Variants in MAGI2 observed in about 807,000 individuals in gnomAD.
MAGI2 encodes membrane associated guanylate kinase, WW and PDZ domain containing 2, also known as membrane-associated guanylate kinase, WW and PDZ domain-containing protein 2.
MAGI2 carries 35 observed loss-of-function variants against 133.3 expected under a neutral mutation model. The ratio of observed to expected loss-of-function variants is 0.26; its 90% CI spans 0.20 to 0.35. The LOEUF (loss-of-function observed/expected upper bound fraction) is 0.35. MAGI2 is among the 10% of genes least tolerant of loss of function. The pLI is 1.00. For missense variants in MAGI2, 1,636 were observed against 1,863.4 expected (o/e 0.88, Z 2.25); for synonymous variants, 729 against 710.6 (o/e 1.03, Z -0.41).
In MAGI2 at chr7:78,102,892, C is replaced by T. The variant is rs565093590; in HGVS notation, c.3567+22802G>A. ...CGCAGCGTTCTGCTGATTTTACTTC[C>T]GTCTTATTTTCCTGCTTCCATACCT... On this transcript the variant is annotated intron_variant, in intron 20 of 21. Transcript: ENST00000354212. Among the ~76,000 whole-genome samples the T allele has an allele frequency of 4.5e-4, 68 of 152,232 alleles. 1 individual carries two copies. The highest frequency in any genetic ancestry group is 2.7e-3 in the East Asian group (14 of 5,188).
intron 6 of MAGI2, among the ~76,000 whole-genome samples, chr7:78,483,347 CTT>C (rs1792626759): frequency 6.6e-6 from 1 of 151,810 alleles, no homozygotes; most frequent in Admixed American, 6.6e-5. Context: ...ATGCAAGTAA[CTT>C]GAGCAACTAA....
At chr7:78,728,525 C>A in intron 2 of MAGI2, among the ~76,000 whole-genome samples, 1 of 135,456 alleles carries the variant, frequency 7.4e-6, no homozygotes, top group African/African-American at 2.8e-5. Flanking sequence ...ATTGGTATGT[C>A]CATCTTTCTC....
At chr7:78,614,490 T>A (rs1189721216) in intron 3 of MAGI2, 1 of 152,168 alleles carries the variant, frequency 6.6e-6, no homozygotes, top group East Asian at 1.9e-4. Flanking sequence ...CATACAAGAT[T>A]TCTGACTTCA....
intron 1 of MAGI2, among the ~76,000 whole-genome samples, chr7:79,065,389 A>G (rs1418429573): frequency 6.6e-6 from 1 of 152,144 alleles, no homozygotes; most frequent in Admixed American, 6.6e-5. Context: ...CTAATGCTTA[A>G]CATGGTAGCT....
intron 1 of MAGI2, among the ~76,000 whole-genome samples, chr7:79,147,125 C>T (rs1035008849): frequency 8.5e-5 from 13 of 152,174 alleles, no homozygotes; most frequent in African/African-American, 1.9e-4. Context: ...AAACTAGAAT[C>T]GCAGTGTCAA....
At chr7:79,020,681 G>A (rs187591004) in intron 1 of MAGI2, among the ~76,000 whole-genome samples, 270 of 151,874 alleles carry the variant, frequency 1.8e-3, no homozygotes, top group South Asian at 5.4e-3. Context: ...CAGGAGAATG[G>A]CATGAACCCA....
chr7:79,305,077 A>T (rs1837678289), intron 1 of MAGI2, among the ~76,000 whole-genome samples: 1 of 152,224 alleles, frequency 6.6e-6, no homozygotes, highest in Non-Finnish European at 1.5e-5. Flanking sequence ...GTCAACAGAA[A>T]AAATGCAGAG....
chr7:79,229,239 C>T (rs1324442131), intron 1 of MAGI2, among the ~76,000 whole-genome samples: 5 of 151,894 alleles, frequency 3.3e-5, no homozygotes, highest in African/African-American at 4.8e-5. Flanking sequence ...TTGCTTCTGA[C>T]GTGATATCTC....
At chr7:78,372,124 G>C (rs1793980745) in intron 6 of MAGI2, among the ~76,000 whole-genome samples, 1 of 152,064 alleles carries the variant, frequency 6.6e-6, no homozygotes, top group African/African-American at 2.4e-5. Flanking sequence ...GTGTGTTTGT[G>C]TGTATTCTTT....
intron 1 of MAGI2, among the ~76,000 whole-genome samples, chr7:79,186,271 A>T: frequency 1.5e-5 from 2 of 134,386 alleles, no homozygotes; most frequent in South Asian, 2.3e-4. Flanking sequence ...TAAACTACAT[A>T]CATTTAAACT....
chr7:78,153,466 T>A (rs770678373), intron 16 of MAGI2, among the ~76,000 whole-genome samples: 1 of 152,170 alleles, frequency 6.6e-6, no homozygotes, highest in Non-Finnish European at 1.5e-5. Flanking sequence ...ACAAATGCCA[T>A]CAATTTACAA....
intron 2 of MAGI2, among the ~76,000 whole-genome samples, chr7:78,838,742 C>T (rs1214032578): frequency 4.0e-5 from 6 of 151,894 alleles, no homozygotes; most frequent in Non-Finnish European, 7.4e-5. Flanking sequence ...AAAATAATAA[C>T]AGAAAGACAT....
intron 2 of MAGI2, among the ~76,000 whole-genome samples, chr7:78,750,322 A>T (rs1055633788): frequency 2.0e-5 from 3 of 152,094 alleles, no homozygotes; most frequent in Admixed American, 6.6e-5. Context: ...TGCTATTGTG[A>T]ACAGTGCTGC....
intron 2 of MAGI2, among the ~76,000 whole-genome samples, chr7:78,764,740 T>A (rs1824841602): frequency 6.6e-6 from 1 of 152,218 alleles, no homozygotes; most frequent in Non-Finnish European, 1.5e-5. Context: ...TTGTTTTTTA[T>A]AAGTCTTAGC....
intron 6 of MAGI2, among the ~76,000 whole-genome samples, chr7:78,481,826 A>G (rs1321275170): frequency 6.6e-6 from 1 of 151,888 alleles, no homozygotes; most frequent in Non-Finnish European, 1.5e-5. Flanking sequence ...AAAAACATGA[A>G]AAAAAATTGG....
intron 1 of MAGI2, among the ~76,000 whole-genome samples, chr7:79,443,464 T>C (rs550299377): frequency 3.3e-5 from 5 of 152,230 alleles, no homozygotes; most frequent in African/African-American, 1.2e-4. Flanking sequence ...ATTGGACAAT[T>C]CATATCTCTG....
intron 1 of MAGI2, among the ~76,000 whole-genome samples, chr7:79,441,896 C>A (rs1197479225): frequency 6.6e-6 from 1 of 152,060 alleles, no homozygotes; most frequent in Admixed American, 6.6e-5. Flanking sequence ...GCAGGTCTCT[C>A]ATTTTACTCT....
At chr7:78,065,961 G>A (rs990755575) in intron 21 of MAGI2, among the ~76,000 whole-genome samples, 1 of 152,146 alleles carries the variant, frequency 6.6e-6, no homozygotes, top group Non-Finnish European at 1.5e-5. Context: ...ATTTGAAATG[G>A]TAATATGTAA....
chr7:78,022,617 A>G (rs916851149), intron 21 of MAGI2, among the ~76,000 whole-genome samples: 4 of 152,340 alleles, frequency 2.6e-5, no homozygotes, highest in Admixed American at 6.5e-5. Flanking sequence ...GCCACTGCCA[A>G]CCAACAGGAA....
Sources: gnomAD v4.1 joint callset for allele counts (sites outside exome capture counted in the v4.1 genomes callset) on GRCh38, gnomAD v4.1.1 for gene constraint, MANE v1.5 for transcripts, NCBI Gene and HGNC (gene_info 2026-07-23, HGNC 2026-07-21) for gene names.